CCDC60: variants seen among roughly 807,000 people sequenced by gnomAD.
CCDC60 encodes coiled-coil domain containing 60, also known as coiled-coil domain-containing protein 60.
Under a neutral mutation model 63.5 loss-of-function variants are expected in CCDC60, and 54 were observed. That is an observed-to-expected ratio of 0.85 (90% CI 0.68 to 1.07). The LOEUF is 1.07. Ranked by LOEUF, CCDC60 falls within the 50% of genes least tolerant of loss-of-function variation. CCDC60 has a pLI of 0.00. For missense variants in CCDC60, 651 were observed against 684.3 expected (o/e 0.95, Z 0.54); for synonymous variants, 206 against 238.8 (o/e 0.86, Z 1.27).
intron 5 of CCDC60, among the ~76,000 whole-genome samples, chr12:119,495,266 C>T (rs924726141): frequency 1.1e-4 from 16 of 152,258 alleles, no homozygotes; most frequent in Non-Finnish European, 7.4e-5. Flanking sequence ...CTTTAATCAA[C>T]TTAGAGAATA....
chr12:119,456,466 G>C lies in CCDC60; in HGVS notation c.171-15528G>C, dbSNP rs984803188. Reference sequence around the variant, plus strand: ...TTACAGGACCCCAACACTTCCTGGGGGTTTCTGCACTACAGTCCCTTCATG... The same window carrying C: ...TTACAGGACCCCAACACTTCCTGGGCGTTTCTGCACTACAGTCCCTTCATG... On this transcript the variant is annotated intron_variant, in intron 2 of 13. Coordinates refer to ENST00000327554, the MANE Select transcript of CCDC60 (RefSeq NM_178499.5). The surrounding 1 kb of genome is among the most constrained non-coding windows in gnomAD (Gnocchi z 4.6). Among the ~76,000 whole-genome samples, 1 of 152,164 alleles carries C rather than the reference G, an allele frequency of 6.6e-6. No homozygotes were observed. Among genetic ancestry groups the C allele is most frequent in the African/African-American group, 2.4e-5 (1 of 41,426 alleles).
At chr12:119,540,547 G>T in intron 13 of CCDC60, 67 bp from the exon 14 acceptor site, 1 of 1,084,342 alleles carries the variant, frequency 9.2e-7, no homozygotes, top group South Asian at 1.3e-5. Context: ...ATCTTGAGGG[G>T]AGGGAGAGAA....
intron 13 of CCDC60, among the ~76,000 whole-genome samples, chr12:119,532,080 A>G (rs1332106202): frequency 6.6e-6 from 1 of 152,150 alleles, no homozygotes; most frequent in Non-Finnish European, 1.5e-5. Context: ...TAATGAGGGC[A>G]AGGTTAGGAG....
At chr12:119,500,919 T>C (rs1951836229) in intron 6 of CCDC60, among the ~76,000 whole-genome samples, 1 of 152,112 alleles carries the variant, frequency 6.6e-6, no homozygotes, top group Non-Finnish European at 1.5e-5. Context: ...AACTAGAAGG[T>C]GCAGTTATTA....
intron 1 of CCDC60, among the ~76,000 whole-genome samples, chr12:119,394,160 A>G (rs766056227): frequency 2.6e-5 from 4 of 152,352 alleles, no homozygotes; most frequent in Admixed American, 1.3e-4. Flanking sequence ...TGTACCGCAA[A>G]GCAAGTATTG....
rs539669444 is a variant in CCDC60, at chr12:119,481,660, A to G, written c.449+2459A>G. On this transcript the variant is annotated intron_variant, in intron 4 of 13. Transcript: ENST00000327554. ...GGAACAGGTGGTGTTTGGTTACATC[A>G]TTTCTTTAGTGGTGATTTGTGAGAT... Among the ~76,000 whole-genome samples, 5 of 151,636 alleles carry G rather than the reference A, an allele frequency of 3.3e-5. No homozygotes were observed. The South Asian group carries it at 1.0e-3, about 32-fold the overall frequency.
At chr12:119,499,051 T>C (rs748270736) in intron 5 of CCDC60, among the ~76,000 whole-genome samples, 2 of 152,264 alleles carry the variant, frequency 1.3e-5, no homozygotes, top group African/African-American at 4.8e-5. Flanking sequence ...ATGTGTTTCA[T>C]TGCAGAAATA....
intron 2 of CCDC60, among the ~76,000 whole-genome samples, chr12:119,440,923 C>A (rs963350750): frequency 1.3e-5 from 2 of 150,998 alleles, no homozygotes; most frequent in African/African-American, 4.9e-5. Context: ...CTAATACATG[C>A]AAAGCACTTG....
chr12:119,395,677 A>G (rs1489420751), intron 1 of CCDC60, among the ~76,000 whole-genome samples: 5 of 152,234 alleles, frequency 3.3e-5, no homozygotes, highest in African/African-American at 1.2e-4. Context: ...AAGATGGTAC[A>G]TTAGTTTTTA....
At chr12:119,474,435 A>G (rs1350158048) in intron 3 of CCDC60, among the ~76,000 whole-genome samples, 2 of 152,192 alleles carry the variant, frequency 1.3e-5, no homozygotes, top group Non-Finnish European at 2.9e-5. Context: ...GGTCCTGTCA[A>G]TGGAATCATA....
At chr12:119,479,225 A>C in intron 4 of CCDC60, 24 bp downstream of exon 4, 37 of 1,537,044 alleles carry the variant, frequency 2.4e-5, no homozygotes, top group Non-Finnish European at 3.1e-5. Flanking sequence ...CCTCCAGCTC[A>C]TTTGCTTTGC....
At chr12:119,445,544 G>A (rs993266705) in intron 2 of CCDC60, among the ~76,000 whole-genome samples, 8 of 147,762 alleles carry the variant, frequency 5.4e-5, no homozygotes, top group Admixed American at 4.7e-4. Context: ...GCAAAGTGTT[G>A]AGAACAATTC....
At chr12:119,535,413 C>T (rs1090249) in intron 13 of CCDC60, among the ~76,000 whole-genome samples, 35,055 of 152,084 alleles carry the variant, frequency 0.23, 4,314 homozygotes, top group Non-Finnish European at 0.29. Flanking sequence ...TCTCTATCTC[C>T]TTCAGTTCTG....
At chr12:119,445,433 C>CAAAAAAAAAAAAAAAAAAAAAAAAA (rs58415660) in intron 2 of CCDC60, among the ~76,000 whole-genome samples, 1 of 27,198 alleles carries the variant, frequency 3.7e-5, no homozygotes, top group Non-Finnish European at 6.3e-5. Flanking sequence ...GACTCCATCT[C>CAAAAAAAAAAAAAAAAAAAAAAAAA]AAAAAAAAAA....
intron 11 of CCDC60, 45 bp downstream of exon 11, chr12:119,523,863 G>A: frequency 1.3e-6 from 2 of 1,598,246 alleles, no homozygotes; most frequent in South Asian, 2.2e-5. Flanking sequence ...CATTCACTGG[G>A]TACCTACTAT....
intron 13 of CCDC60, 72 bp downstream of exon 13, chr12:119,531,135 CT>C: frequency 7.4e-7 from 1 of 1,343,766 alleles, no homozygotes; most frequent in Non-Finnish European, 1.0e-6. Flanking sequence ...CATTCAGGCA[CT>C]GTTTAAGTGC....
chr12:119,507,554 A>G (rs1414345014), intron 7 of CCDC60, among the ~76,000 whole-genome samples: 8 of 48,532 alleles, frequency 1.6e-4, no homozygotes, highest in African/African-American at 8.3e-4. Context: ...ATATATACAT[A>G]TATATATATA....
At chr12:119,440,951 C>T (rs954346124) in intron 2 of CCDC60, among the ~76,000 whole-genome samples, 1 of 152,000 alleles carries the variant, frequency 6.6e-6, no homozygotes, top group South Asian at 2.1e-4. Flanking sequence ...GTCTGACACA[C>T]GGTAAGTGCT....
intron 10 of CCDC60, 94 bp from the exon 11 acceptor site, chr12:119,523,599 C>T (rs1952591169): frequency 6.4e-7 from 1 of 1,557,332 alleles, no homozygotes; most frequent in African/African-American, 1.4e-5. Flanking sequence ...CCATGCAGAG[C>T]ACCTTGGGGC....
Sources: gnomAD v4.1 joint callset for allele counts (sites outside exome capture counted in the v4.1 genomes callset) on GRCh38, gnomAD v4.1.1 for gene constraint, Gnocchi (gnomAD v3.1) non-coding constraint, MANE v1.5 for transcripts, NCBI Gene and HGNC (gene_info 2026-07-23, HGNC 2026-07-21) for gene names.